Variants in IGF1 observed in about 807,000 individuals in gnomAD.
IGF1 encodes insulin like growth factor 1.
A neutral mutation model predicts 13.8 loss-of-function variants in IGF1; 4 were observed. The ratio of observed to expected loss-of-function variants is 0.29; its 90% CI spans 0.14 to 0.66. The LOEUF (loss-of-function observed/expected upper bound fraction) is 0.66. Among genes scored for constraint, IGF1 ranks in the 30% least tolerant of loss-of-function variants. The pLI is 0.78. For synonymous variants in IGF1, 76 were observed against 72.6 expected, an observed-to-expected ratio of 1.05 and a Z score of -0.23; for missense variants, 124 against 188.5, an observed-to-expected ratio of 0.66 and a Z score of 2.00.
intron 3 of IGF1, among the ~76,000 whole-genome samples, chr12:102,413,595 T>C (rs1195833883): frequency 1.3e-5 from 2 of 152,204 alleles, no homozygotes; most frequent in Non-Finnish European, 2.9e-5. Flanking sequence ...TGAAAGGCAC[T>C]GGATTGGCAG....
intron 2 of IGF1, among the ~76,000 whole-genome samples, chr12:102,471,405 C>A (rs371466194): frequency 1.1e-4 from 16 of 152,194 alleles, no homozygotes; most frequent in South Asian, 2.1e-4. Context: ...AACTAATGAA[C>A]GACAGGTCTG....
intron 2 of IGF1, among the ~76,000 whole-genome samples, chr12:102,466,515 T>G (rs565098058): frequency 6.6e-6 from 1 of 152,172 alleles, no homozygotes; most frequent in Non-Finnish European, 1.5e-5. Flanking sequence ...CAAAAAATAG[T>G]CTGACCCAAA....
At chr12:102,458,560 A>G (rs1879623165) in intron 2 of IGF1, among the ~76,000 whole-genome samples, 1 of 152,164 alleles carries the variant, frequency 6.6e-6, no homozygotes, top group South Asian at 2.1e-4. Context: ...CTAAAGGCAC[A>G]CATAACTAAT....
intron 2 of IGF1, among the ~76,000 whole-genome samples, chr12:102,437,907 T>C (rs538729018): frequency 6.6e-6 from 1 of 152,318 alleles, no homozygotes; most frequent in African/African-American, 2.4e-5. Context: ...TTATTATGTG[T>C]CAATTAAAAG....
upstream of IGF1, among the ~76,000 whole-genome samples, chr12:102,480,968 AAG>A (rs1034002274): frequency 3.7e-4 from 56 of 152,288 alleles, no homozygotes; most frequent in African/African-American, 1.3e-3. Context: ...CAAAAAAAGA[AAG>A]AAAGGACGAT....
chr12:102,433,827 T>C (rs1876961182), intron 2 of IGF1, among the ~76,000 whole-genome samples: 1 of 152,184 alleles, frequency 6.6e-6, no homozygotes, highest in African/African-American at 2.4e-5. Context: ...AGTCTCCATT[T>C]CCTTTCTTGT....
At chr12:102,478,377 CT>C (rs67214112) in intron 1 of IGF1, 382 of 521,676 alleles carry the variant, frequency 7.3e-4, no homozygotes, top group South Asian at 1.2e-3. Flanking sequence ...TTTAAAAGTT[CT>C]TTTTTTTTTA....
At chr12:102,434,267 T>C (rs1408693432) in intron 2 of IGF1, among the ~76,000 whole-genome samples, 64 of 146,546 alleles carry the variant, frequency 4.4e-4, no homozygotes, top group African/African-American at 1.5e-3. Context: ...TCATCTAGCA[T>C]TAGGTATATC....
At chr12:102,431,140 T>A (rs1038652186) in intron 2 of IGF1, among the ~76,000 whole-genome samples, 1 of 152,194 alleles carries the variant, frequency 6.6e-6, no homozygotes, top group African/African-American at 2.4e-5. Context: ...ACTTCTGCAT[T>A]TCTCTGAATG....
chr12:102,480,287 C>T lies in IGF1; in HGVS notation c.63+32G>A, dbSNP rs759741399. On this transcript the variant is annotated intron_variant, in intron 1 of 3. Transcript: ENST00000337514. ...ACAGTACACAATTTAAATAGAATTC[C>T]CCAATGACTTCAAAGAGTAAGAAAT... The T allele has an allele frequency of 2.5e-6, 4 of 1,595,234 alleles. No homozygotes were observed. The African/African-American group carries it at 5.4e-5, about 21-fold the overall frequency.
intron 3 of IGF1, among the ~76,000 whole-genome samples, chr12:102,409,002 C>T (rs1005800481): frequency 1.3e-5 from 2 of 152,190 alleles, no homozygotes; most frequent in African/African-American, 2.4e-5. Flanking sequence ...TCATCTTATG[C>T]ATCTGGTTTA....
intron 2 of IGF1, 74 bp from the exon 3 acceptor site, chr12:102,419,764 C>A: frequency 6.9e-7 from 1 of 1,444,128 alleles, no homozygotes; most frequent in Non-Finnish European, 9.6e-7. Context: ...CAGCTCCTGC[C>A]TCTCCCCACA....
At chr12:102,406,220 A>G (rs1874139417) in intron 3 of IGF1, among the ~76,000 whole-genome samples, 1 of 152,250 alleles carries the variant, frequency 6.6e-6, no homozygotes, top group Non-Finnish European at 1.5e-5. Context: ...AAAAGCACTC[A>G]GGGACTAGGT....
intron 2 of IGF1, among the ~76,000 whole-genome samples, chr12:102,454,473 A>G (rs1879218339): frequency 1.3e-5 from 2 of 152,250 alleles, no homozygotes; most frequent in African/African-American, 4.8e-5. Flanking sequence ...TAACAGCAAT[A>G]CAGAGGAACA....
intron 1 of IGF1, among the ~76,000 whole-genome samples, chr12:102,476,058 T>C (rs1489300377): frequency 2.6e-5 from 4 of 152,146 alleles, no homozygotes; most frequent in African/African-American, 9.7e-5. Flanking sequence ...CTTTATGGGT[T>C]CCTATTTCAA....
intron 3 of IGF1, among the ~76,000 whole-genome samples, chr12:102,412,441 C>T (rs1874731627): frequency 6.6e-6 from 1 of 152,072 alleles, no homozygotes; most frequent in African/African-American, 2.4e-5. Flanking sequence ...AGAAACTAAT[C>T]CCCTTCCCCT....
intron 3 of IGF1, among the ~76,000 whole-genome samples, chr12:102,419,291 A>G (rs1875455578): frequency 6.6e-6 from 1 of 152,198 alleles, no homozygotes; most frequent in East Asian, 1.9e-4. Context: ...ACTGTTTTGT[A>G]ACATCTTCCA....
At chr12:102,430,973 G>A (rs956145065) in intron 2 of IGF1, among the ~76,000 whole-genome samples, 1 of 152,146 alleles carries the variant, frequency 6.6e-6, no homozygotes, top group African/African-American at 2.4e-5. Flanking sequence ...TCTCTTTCCA[G>A]GCTGTTGATG....
chr12:102,437,253 C>T (rs1016844496), intron 2 of IGF1, among the ~76,000 whole-genome samples: 6 of 152,176 alleles, frequency 3.9e-5, no homozygotes, highest in South Asian at 2.1e-4. Context: ...ACGGCCACCT[C>T]GGGACTCTGC....
Sources: gnomAD v4.1 joint callset for allele counts (sites outside exome capture counted in the v4.1 genomes callset) on GRCh38, gnomAD v4.1.1 for gene constraint, MANE v1.5 for transcripts, NCBI Gene and HGNC (gene_info 2026-07-23, HGNC 2026-07-21) for gene names.